SCN1A: variants seen among roughly 807,000 people sequenced by gnomAD.
SCN1A encodes the protein sodium voltage-gated channel alpha subunit 1.
Under a neutral mutation model 193.7 loss-of-function variants are expected in SCN1A, and 13 were observed. That is an observed-to-expected ratio of 0.07 (90% confidence interval 0.04 to 0.11). The LOEUF is 0.11. SCN1A is among the 10% of genes least tolerant of loss of function. The pLI, the probability that SCN1A is intolerant of heterozygous loss-of-function variation, is 1.00. For synonymous variants in SCN1A, 781 were observed against 843.6 expected, an observed-to-expected ratio of 0.93 and a Z score of 1.29; for missense variants, 1,432 against 2,451.1, an observed-to-expected ratio of 0.58 and a Z score of 8.78.
chr2:166,108,114 C>T lies in SCN1A; in HGVS notation c.-142+18810G>A, dbSNP rs182744881. Among the ~76,000 whole-genome samples the T allele has an allele frequency of 3.0e-4, 46 of 151,728 alleles. 2 individuals are homozygous for T. Among genetic ancestry groups the T allele is most frequent in the Admixed American group, 2.8e-3 (43 of 15,224 alleles). Reference sequence around the variant, plus strand: ...TCTTACAAGTCAATAATAAAAAACCCCAAAGAACCTAACTATAAAAATAGG... The same window carrying T: ...TCTTACAAGTCAATAATAAAAAACCTCAAAGAACCTAACTATAAAAATAGG... On this transcript the variant is annotated intron_variant, in intron 2 of 28. Transcript: ENST00000674923.
intron 1 of SCN1A, among the ~76,000 whole-genome samples, chr2:166,133,594 A>G (rs529799683): frequency 6.6e-5 from 10 of 152,142 alleles, no homozygotes; most frequent in Non-Finnish European, 1.3e-4. Flanking sequence ...TTCAAAAATT[A>G]CTATAGTGCT....
intron 2 of SCN1A, chr2:166,081,555 C>T (rs1252321145): frequency 1.3e-5 from 2 of 151,758 alleles, no homozygotes; most frequent in Non-Finnish European, 2.9e-5. Flanking sequence ...AATATTTTTT[C>T]TTTGTTCAGA....
chr2:165,994,688 A>T (rs1225119150), intron 27 of SCN1A, among the ~76,000 whole-genome samples: 8 of 151,918 alleles, frequency 5.3e-5, no homozygotes, highest in Non-Finnish European at 1.0e-4. Context: ...CAAAAGAAAC[A>T]TTCAACACTG....
rs1688822568 is a variant in SCN1A at position 165,989,189 on chromosome 2, T to G, written c.*2056A>C. 6.6e-6 allele frequency: 1 copy of G among 152,558 alleles called. No individual in the cohort carries two copies. The highest frequency in any genetic ancestry group is 6.6e-5 in the Admixed American group (1 of 15,252). 9.5% of individuals were successfully genotyped at this position (152,558 alleles called of 1,614,324 possible). On this transcript the variant is annotated 3_prime_UTR_variant, in exon 29 of 29. Transcript: ENST00000674923. ...ATAAAAAATGTAATCTTTATTAGTT[T>G]TGCACATTTTAAATGTTGGTTAGCA... is the stretch of plus-strand genomic sequence containing the variant.
Position 166,146,791 on chromosome 2 carries a change from T to C in SCN1A, c.-50+2256A>G, listed in dbSNP as rs572448724. On this transcript the variant is annotated intron_variant, in intron 1 of 26. Coordinates refer to the SCN1A transcript ENST00000635750. ...ATTACAGTATTTAACTTCTAAGAGCTAAAGTTCTAAAATGGAACTGTTGGA... is the reference window on the plus strand; with the variant it reads ...ATTACAGTATTTAACTTCTAAGAGCCAAAGTTCTAAAATGGAACTGTTGGA... 3.4e-4 allele frequency among the ~76,000 whole-genome samples: 52 copies of C among 152,314 alleles called. 1 individual carries two copies. The highest frequency in any genetic ancestry group is 6.8e-3 in the Middle Eastern group (2 of 294).
intron 22 of SCN1A, among the ~76,000 whole-genome samples, chr2:166,011,908 A>C (rs576070005): frequency 6.6e-6 from 1 of 151,408 alleles, no homozygotes; most frequent in African/African-American, 2.4e-5. Context: ...ACTACCATAG[A>C]TTCCATCCCC....
intron 11 of SCN1A, 115 bp downstream of exon 11, chr2:166,047,512 C>G: frequency 1.7e-6 from 2 of 1,173,464 alleles, no homozygotes; most frequent in Non-Finnish European, 2.5e-6. Context: ...GAACTCAAGT[C>G]TCGTTTCAAG....
intron 1 of SCN1A, among the ~76,000 whole-genome samples, chr2:166,135,323 C>A (rs145243241): frequency 1.3e-5 from 2 of 152,100 alleles, no homozygotes; most frequent in Admixed American, 1.3e-4. Context: ...ATGAAGACAA[C>A]GCTTTATTTA....
intron 4 of SCN1A, among the ~76,000 whole-genome samples, chr2:166,065,471 A>G (rs560957945): frequency 6.6e-6 from 1 of 152,130 alleles, no homozygotes; most frequent in South Asian, 2.1e-4. Context: ...GGTCTCACCT[A>G]CTTCCCTTCT....
chr2:165,995,865 T>C lies in SCN1A; in HGVS notation c.4581+148A>G, dbSNP rs553670898. 9.6e-5 allele frequency: 61 copies of C among 634,484 alleles called. No individual in the cohort carries two copies. In the East Asian group the frequency reaches 1.7e-3, roughly 18 times the overall value. The allele number at this position is 634,484 out of a possible 1,614,324, so 39.3% of individuals were successfully genotyped here. A position where few individuals can be genotyped will look rare whatever the true frequency, so the allele number is the denominator to read the frequency against. The stretch of plus-strand genomic sequence containing the variant: ...ATTTTTTTTGTTGTTACCATTATCA[T>C]AAAAGATACAAACATCACTTTTAGA... On this transcript the variant is annotated intron_variant, in intron 27 of 28. Coordinates refer to ENST00000674923, the MANE Select transcript of SCN1A (RefSeq NM_001165963.4).
chr2:166,082,091 G>C (rs1436262518), intron 2 of SCN1A, among the ~76,000 whole-genome samples: 2 of 151,956 alleles, frequency 1.3e-5, no homozygotes, highest in African/African-American at 4.8e-5. Flanking sequence ...CTTCTGAAAG[G>C]TTGAGTAAGT....
chr2:166,080,939 T>TAA (rs1244346210), intron 2 of SCN1A, among the ~76,000 whole-genome samples: 3 of 151,920 alleles, frequency 2.0e-5, no homozygotes, highest in Non-Finnish European at 4.4e-5. Flanking sequence ...AGAAAGTTAA[T>TAA]ACTGATAATA....
In SCN1A at chr2:165,990,926, G is replaced by A. The variant is rs1051654187; in HGVS notation, c.*319C>T. On this transcript the variant is annotated 3_prime_UTR_variant, in exon 29 of 29. Transcript: ENST00000674923. ...CAATTACTACACTAAAGTGTTTCAT[G>A]TTAAACAACCCCAAAATCACAGGTT... is the stretch of plus-strand genomic sequence containing the variant. 2 of 301,698 alleles carry A rather than the reference G, an allele frequency of 6.6e-6. No homozygotes were observed. Among genetic ancestry groups the A allele is most frequent in the African/African-American group, 4.3e-5 (2 of 46,404 alleles). 18.7% of individuals were successfully genotyped at this position (301,698 alleles called of 1,614,324 possible).
chr2:166,019,103 CAT>C (rs1553535483), intron 19 of SCN1A, among the ~76,000 whole-genome samples: 5 of 152,078 alleles, frequency 3.3e-5, no homozygotes, highest in Non-Finnish European at 7.4e-5. Flanking sequence ...AATTGTAAAA[CAT>C]TAATGGCAAA....
At position 166,092,674 on chromosome 2, in the gene SCN1A, A is replaced by G. The variant is rs552667850; in HGVS notation, c.-141-14873T>C. The G allele has an allele frequency of 2.6e-5, 4 of 152,218 alleles. No individual in the cohort carries two copies. In the East Asian group the frequency reaches 7.7e-4, roughly 29 times the overall value. The allele number at this position is 152,218 out of a possible 1,614,324, so 9.4% of individuals were successfully genotyped here. On this transcript the variant is annotated intron_variant, in intron 2 of 28. Coordinates refer to ENST00000674923, the MANE Select transcript of SCN1A (RefSeq NM_001165963.4). ...AGCCACCATGCTCAGGTAGGAAAAA[A>G]TCATTTCTTACATGGAGATTTATTT... is the stretch of plus-strand genomic sequence containing the variant.
At chr2:166,139,989 G>C (rs1692017253) in intron 1 of SCN1A, among the ~76,000 whole-genome samples, 1 of 151,262 alleles carries the variant, frequency 6.6e-6, no homozygotes. Flanking sequence ...AATAATTGTT[G>C]TTAATTTTAT....
At chr2:165,984,722 C>G (rs934409487), downstream of SCN1A, 3 of 152,006 alleles carry the variant, frequency 2.0e-5, no homozygotes, top group Non-Finnish European at 1.5e-5. Context: ...GGACATCATG[C>G]CTTTCTAAGC....
intron 4 of SCN1A, among the ~76,000 whole-genome samples, chr2:166,065,240 A>G (rs1683709732): frequency 1.3e-5 from 2 of 152,154 alleles, no homozygotes; most frequent in Non-Finnish European, 1.5e-5. Flanking sequence ...AGTGCTATTA[A>G]GTTTTTCATA....
At chr2:166,138,719 C>T (rs1468886585) in intron 1 of SCN1A, among the ~76,000 whole-genome samples, 1 of 152,156 alleles carries the variant, frequency 6.6e-6, no homozygotes, top group African/African-American at 2.4e-5. Flanking sequence ...ACACAGATTC[C>T]CTACTAGTGT....
Sources: gnomAD v4.1 joint callset for allele counts (sites outside exome capture counted in the v4.1 genomes callset) on GRCh38, gnomAD v4.1.1 for gene constraint, MANE v1.5 for transcripts, NCBI Gene and HGNC (gene_info 2026-07-23, HGNC 2026-07-21) for gene names.